Variants in C8orf88 observed in about 807,000 individuals in gnomAD.
C8orf88 encodes chromosome 8 open reading frame 88, also known as uncharacterized protein C8orf88.
C8orf88 carries 14 observed loss-of-function variants against 18.4 expected under a neutral mutation model. That is an observed-to-expected ratio of 0.76 (90% CI 0.50 to 1.19). The LOEUF (loss-of-function observed/expected upper bound fraction) is 1.19, where lower values mean the gene tolerates loss of function less well. Among genes scored for constraint, C8orf88 ranks in the 50% most tolerant of loss-of-function variants. C8orf88 has a pLI of 0.00. For missense variants in C8orf88, 116 were observed against 134.7 expected (o/e 0.86, Z 0.69); for synonymous variants, 45 against 42.9 (o/e 1.05, Z -0.19).
intron 4 of C8orf88, among the ~76,000 whole-genome samples, chr8:90,961,855 T>A (rs1291773576): frequency 6.6e-6 from 1 of 151,522 alleles, no homozygotes; most frequent in African/African-American, 2.4e-5. Context: ...AAACCATAAT[T>A]TACTGACCCC....
intron 3 of C8orf88, among the ~76,000 whole-genome samples, chr8:90,974,169 A>G (rs1407156611): frequency 6.6e-6 from 1 of 152,150 alleles, no homozygotes; most frequent in Admixed American, 6.6e-5. Context: ...TACACTCTGT[A>G]TCTCCTTCAC....
At chr8:90,961,543 T>A (rs990661698) in intron 4 of C8orf88, among the ~76,000 whole-genome samples, 4 of 151,164 alleles carry the variant, frequency 2.6e-5, no homozygotes, top group African/African-American at 4.8e-5. Context: ...AGGAAAGACA[T>A]TTTCAGATAA....
chr8:90,965,165 T>A (rs746806068), intron 4 of C8orf88, among the ~76,000 whole-genome samples: 1 of 151,572 alleles, frequency 6.6e-6, no homozygotes, highest in African/African-American at 2.4e-5. Context: ...AAAAATAAGT[T>A]GAAACTGAAA....
At chr8:90,969,150 AC>A (rs1811248291) in intron 4 of C8orf88, among the ~76,000 whole-genome samples, 1 of 151,864 alleles carries the variant, frequency 6.6e-6, no homozygotes, top group African/African-American at 2.4e-5. Context: ...AAGTGTTGAA[AC>A]AAAAACTTGT....
chr8:90,965,068 T>C (rs1461831919), intron 4 of C8orf88, among the ~76,000 whole-genome samples: 1 of 151,544 alleles, frequency 6.6e-6, no homozygotes, highest in Admixed American at 6.6e-5. Flanking sequence ...TTTCAATTAT[T>C]ATAAAAGGCA....
At chr8:90,981,597 A>G (rs1811436147) in intron 1 of C8orf88, among the ~76,000 whole-genome samples, 1 of 152,154 alleles carries the variant, frequency 6.6e-6, no homozygotes, top group Non-Finnish European at 1.5e-5. Flanking sequence ...ACTGGTCCCT[A>G]CTGTATTTTA....
At chr8:90,974,322 A>G (rs1039015924) in intron 3 of C8orf88, among the ~76,000 whole-genome samples, 2 of 152,122 alleles carry the variant, frequency 1.3e-5, no homozygotes, top group African/African-American at 4.8e-5. Context: ...ACCCAGATAT[A>G]GTGTTATAAG....
At chr8:90,963,747 A>G (rs1811159060) in intron 4 of C8orf88, among the ~76,000 whole-genome samples, 1 of 151,654 alleles carries the variant, frequency 6.6e-6, no homozygotes, top group Admixed American at 6.6e-5. Flanking sequence ...AAAGGAATTC[A>G]ATTAACATTA....
intron 4 of C8orf88, among the ~76,000 whole-genome samples, chr8:90,961,591 C>G (rs989444848): frequency 5.3e-5 from 8 of 151,326 alleles, no homozygotes; most frequent in South Asian, 4.2e-4. Context: ...CAGATGTGAC[C>G]TTCAAGAAAT....
chr8:90,980,405 G>A lies in C8orf88; in HGVS notation c.31C>T (p.Leu11Phe). METKKLIGKP[L>F]QPARPVRHLT... Reference sequence around the variant, plus strand: ...TGACGAACAGGTCTTGCTGGTTGAAGCGGTTTACCAATTAATTTTTTGGTT... The same window carrying A: ...TGACGAACAGGTCTTGCTGGTTGAAACGGTTTACCAATTAATTTTTTGGTT... Residue 11 changes from leucine (L) to phenylalanine (F), a missense_variant, in exon 2 of 6, where the codon CTT (leucine) becomes TTT (phenylalanine). Coordinates refer to ENST00000517562, the MANE Select transcript of C8orf88 (RefSeq NM_001190972.2). 1 of 1,533,798 alleles carries A rather than the reference G, an allele frequency of 6.5e-7. No individual in the cohort carries two copies. Among genetic ancestry groups the A allele is most frequent in the East Asian group, 2.5e-5 (1 of 40,806 alleles).
intron 5 of C8orf88, among the ~76,000 whole-genome samples, chr8:90,960,177 T>C (rs1811105131): frequency 6.6e-6 from 1 of 151,488 alleles, no homozygotes; most frequent in South Asian, 2.1e-4. Flanking sequence ...ATTATGTGTA[T>C]TTATTTAGAT....
chr8:90,983,536 G>A (rs1038815804), intron 1 of C8orf88, among the ~76,000 whole-genome samples: 3 of 152,012 alleles, frequency 2.0e-5, no homozygotes, highest in African/African-American at 7.2e-5. Context: ...AGTAAACCTA[G>A]AATTGTCTAA....
intron 1 of C8orf88, among the ~76,000 whole-genome samples, chr8:90,982,752 C>T (rs1471847): frequency 1.3e-5 from 2 of 151,792 alleles, no homozygotes; most frequent in African/African-American, 4.8e-5. Context: ...TCATTCAGTA[C>T]TCTGTTTAAT....
At chr8:90,979,943 C>G (rs905515984) in intron 2 of C8orf88, among the ~76,000 whole-genome samples, 2 of 152,144 alleles carry the variant, frequency 1.3e-5, no homozygotes, top group Admixed American at 6.5e-5. Flanking sequence ...ACTACAGAAC[C>G]TTTAAGATTT....
chr8:90,974,244 G>C (rs1289930699), intron 3 of C8orf88, among the ~76,000 whole-genome samples: 2 of 152,132 alleles, frequency 1.3e-5, no homozygotes, highest in African/African-American at 2.4e-5. Context: ...CACAGTGCTA[G>C]TTTCCAGTCC....
chr8:90,960,120 T>C (rs974381557), intron 5 of C8orf88, among the ~76,000 whole-genome samples: 6 of 151,462 alleles, frequency 4.0e-5, no homozygotes, highest in African/African-American at 1.5e-4. Context: ...GATGACAAAA[T>C]CCATGTCCTT....
intron 4 of C8orf88, among the ~76,000 whole-genome samples, chr8:90,968,732 A>G (rs1338670750): frequency 7.0e-6 from 1 of 142,826 alleles, no homozygotes; most frequent in Non-Finnish European, 1.5e-5. Context: ...ATAATAGATA[A>G]TAGATAAGAG....
At chr8:90,970,375 CTT>C (rs1448133605) in intron 4 of C8orf88, among the ~76,000 whole-genome samples, 5 of 151,874 alleles carry the variant, frequency 3.3e-5, no homozygotes, top group African/African-American at 1.2e-4. Context: ...AATTAATGGT[CTT>C]TTCATACTTC....
rs999258580 is a variant in C8orf88, at chr8:90,980,455, T to C, written c.-20A>G. The C allele has an allele frequency of 2.1e-6, 3 of 1,460,148 alleles. No homozygotes were observed. The highest frequency in any genetic ancestry group is 1.3e-5 in the South Asian group (1 of 79,416). The allele number at this position is 1,460,148 out of a possible 1,614,324, so 90.4% of individuals were successfully genotyped here. ...TTCCATTGTCACAAAGACTTTGAGG[T>C]TCCATACTAGAAGACAAAAAAATAC... is the stretch of plus-strand genomic sequence containing the variant. On this transcript the variant is annotated 5_prime_UTR_variant, in exon 2 of 6. Coordinates refer to ENST00000517562, the MANE Select transcript of C8orf88 (RefSeq NM_001190972.2).
Sources: allele counts gnomAD v4.1 joint callset (sites outside exome capture counted in the v4.1 genomes callset), GRCh38; gene constraint gnomAD v4.1.1; transcripts MANE v1.5; gene names NCBI Gene and HGNC (gene_info 2026-07-23, HGNC 2026-07-21).